Variants in SLC4A10 observed in about 807,000 individuals in gnomAD.
The protein encoded by SLC4A10 is solute carrier family 4 member 10.
Under a neutral mutation model 137.7 loss-of-function variants are expected in SLC4A10, and 42 were observed. That is an observed-to-expected ratio of 0.30 (90% CI 0.24 to 0.39). The LOEUF is 0.39. Ranked by LOEUF, SLC4A10 falls within the 10% of genes least tolerant of loss-of-function variation. The probability of loss-of-function intolerance (pLI) is 1.00; values close to 1 mark genes in which losing one functional copy is unlikely to be tolerated. For synonymous variants in SLC4A10, 474 were observed against 464.1 expected (o/e 1.02, Z -0.27); for missense variants, 925 against 1,355.0 (o/e 0.68, Z 4.98).
Position 161,842,432 on chromosome 2 carries a change from G to A in SLC4A10, c.416+2505G>A, listed in dbSNP as rs993897510. Among the ~76,000 whole-genome samples the A allele has an allele frequency of 2.4e-4, 37 of 151,888 alleles. 1 individual carries two copies. Among genetic ancestry groups the A allele is most frequent in the Non-Finnish European group, 4.4e-5 (3 of 67,930 alleles). On this transcript the variant is annotated intron_variant, in intron 4 of 26. Transcript: ENST00000446997. ...TAATTTGATTATTCAAATTATTAGTGAGGTACAACATCTTTTCCTATGTTT... is the reference window on the plus strand; with the variant it reads ...TAATTTGATTATTCAAATTATTAGTAAGGTACAACATCTTTTCCTATGTTT...
chr2:161,772,264 C>T (rs1449471280), intron 2 of SLC4A10, among the ~76,000 whole-genome samples: 1 of 151,666 alleles, frequency 6.6e-6, no homozygotes, highest in Non-Finnish European at 1.5e-5. Flanking sequence ...GTTCGAAATG[C>T]CATTACATTT....
chr2:161,804,432 T>G lies in SLC4A10; in HGVS notation c.131-17T>G, dbSNP rs562621057. 6.2e-7 allele frequency: 1 copy of G among 1,605,880 alleles called. No homozygotes were observed. The highest frequency in any genetic ancestry group is 1.3e-5 in the African/African-American group (1 of 74,746). ...AATAATTCAGAGTTTAATTTGTGGG[T>G]TTGCTTCCTTATGAAGGTCATCGAA... On this transcript the variant is annotated splice_polypyrimidine_tract_variant and intron_variant, in intron 2 of 26. Transcript: ENST00000446997.
At chr2:161,830,475 T>G (rs1322155156) in intron 3 of SLC4A10, among the ~76,000 whole-genome samples, 2 of 148,692 alleles carry the variant, frequency 1.3e-5, no homozygotes, top group Non-Finnish European at 3.0e-5. Flanking sequence ...GTTGTGAGGT[T>G]TTTTTTTTTT....
intron 4 of SLC4A10, among the ~76,000 whole-genome samples, chr2:161,841,005 G>C (rs1240867967): frequency 1.3e-5 from 2 of 152,062 alleles, no homozygotes; most frequent in African/African-American, 4.8e-5. Context: ...AAAAGCAGAG[G>C]GGACAGTATT....
Position 161,905,651 on chromosome 2 carries a change from G to T in SLC4A10, c.1761G>T (p.Gly587=), listed in dbSNP as rs760953228. 6.2e-7 allele frequency: 1 copy of T among 1,602,582 alleles called. No homozygotes were observed. Among genetic ancestry groups the T allele is most frequent in the Non-Finnish European group, 8.5e-7 (1 of 1,174,972 alleles). ...KILFKFCKEY[G]LSYLSLRASI... ...CTTTTCCTCCTCCCAGAGAATATGG[G>T]CTGTCATACCTATCTTTAAGAGCTA... Residue 587 remains glycine (G), a synonymous_variant, in exon 15 of 27, where the codon GGG becomes GGT. Transcript: ENST00000446997.
At chr2:161,879,916 A>G (rs2061659906) in intron 9 of SLC4A10, among the ~76,000 whole-genome samples, 1 of 152,074 alleles carries the variant, frequency 6.6e-6, no homozygotes, top group Non-Finnish European at 1.5e-5. Context: ...TAAAATAACA[A>G]CTTAGGGATA....
At chr2:161,928,848 A>T (rs1689766643) in intron 15 of SLC4A10, among the ~76,000 whole-genome samples, 1 of 152,158 alleles carries the variant, frequency 6.6e-6, no homozygotes, top group East Asian at 1.9e-4. Flanking sequence ...ACCTATAGGC[A>T]TAGATATACA....
At chr2:161,689,847 C>T (rs2041810039) in intron 1 of SLC4A10, among the ~76,000 whole-genome samples, 1 of 152,086 alleles carries the variant, frequency 6.6e-6, no homozygotes, top group African/African-American at 2.4e-5. Flanking sequence ...TGAACGTTCA[C>T]CTTGTCTTTT....
intron 23 of SLC4A10, 120 bp from the exon 24 acceptor site, chr2:161,974,129 C>T (rs570958830): frequency 6.9e-5 from 50 of 719,838 alleles, no homozygotes; most frequent in Non-Finnish European, 1.0e-4. Context: ...TTAATAAATG[C>T]AAACAGAGTG....
chr2:161,971,615 C>A (rs1361327328), intron 23 of SLC4A10, among the ~76,000 whole-genome samples: 2 of 152,154 alleles, frequency 1.3e-5, no homozygotes, highest in Non-Finnish European at 2.9e-5. Context: ...ATTGAGATAA[C>A]CTAGGTTGTG....
chr2:161,929,919 A>G (rs984168651), intron 15 of SLC4A10, among the ~76,000 whole-genome samples: 3 of 152,182 alleles, frequency 2.0e-5, no homozygotes, highest in African/African-American at 7.2e-5. Flanking sequence ...ATTATATATC[A>G]AGAATATTTA....
intron 1 of SLC4A10, among the ~76,000 whole-genome samples, chr2:161,706,772 T>C (rs1005432914): frequency 4.6e-5 from 7 of 151,586 alleles, no homozygotes; most frequent in African/African-American, 1.7e-4. Flanking sequence ...TTGCCATTCC[T>C]TGAATGTGAC....
At chr2:161,969,098 T>A (rs1288327276) in intron 23 of SLC4A10, among the ~76,000 whole-genome samples, 1 of 152,178 alleles carries the variant, frequency 6.6e-6, no homozygotes, top group Non-Finnish European at 1.5e-5. Flanking sequence ...ATGTCTCAGC[T>A]CCCTGAGACT....
chr2:161,901,839 G>T (rs936905627), intron 12 of SLC4A10, among the ~76,000 whole-genome samples: 1 of 151,838 alleles, frequency 6.6e-6, no homozygotes, highest in Non-Finnish European at 1.5e-5. Context: ...AATTTGAGAT[G>T]GTTCAAACAA....
chr2:161,880,059 A>T (rs2061671724), intron 9 of SLC4A10, among the ~76,000 whole-genome samples: 1 of 152,146 alleles, frequency 6.6e-6, no homozygotes, highest in African/African-American at 2.4e-5. Context: ...TTTCCAAGCA[A>T]TTTACCCAGG....
At chr2:161,743,152 G>T (rs2048085370) in intron 1 of SLC4A10, among the ~76,000 whole-genome samples, 1 of 152,040 alleles carries the variant, frequency 6.6e-6, no homozygotes, top group Admixed American at 6.6e-5. Context: ...ACCTGTTTTG[G>T]TTGCCTGTGC....
At chr2:161,930,050 G>A (rs923739962) in intron 15 of SLC4A10, among the ~76,000 whole-genome samples, 67 of 152,128 alleles carry the variant, frequency 4.4e-4, no homozygotes, top group African/African-American at 1.4e-3. Context: ...GGTCTTTCTT[G>A]GAATAATAAA....
In SLC4A10 at chr2:161,624,803, T is replaced by C. The variant is rs1005461708; in HGVS notation, c.48+237T>C. Among the ~76,000 whole-genome samples, 3 of 152,142 alleles carry C rather than the reference T, an allele frequency of 2.0e-5. No individual in the cohort carries two copies. The East Asian group carries it at 5.9e-4, about 30-fold the overall frequency. ...ACTACGGTGATGAAATGTCTCATGT[T>C]TGCTGCTGTTTGAAGAAATGGCTAG... On this transcript the variant is annotated intron_variant, in intron 1 of 26. Coordinates refer to ENST00000446997, the MANE Select transcript of SLC4A10 (RefSeq NM_001178015.2).
chr2:161,888,172 G>T, intron 10 of SLC4A10, among the ~76,000 whole-genome samples: 1 of 151,644 alleles, frequency 6.6e-6, no homozygotes, highest in Non-Finnish European at 1.5e-5. Context: ...ATATTGGTTT[G>T]GATACAAGTG....
Sources: allele counts gnomAD v4.1 joint callset (sites outside exome capture counted in the v4.1 genomes callset), GRCh38; gene constraint gnomAD v4.1.1; transcripts MANE v1.5; gene names NCBI Gene and HGNC (gene_info 2026-07-23, HGNC 2026-07-21).